Variants in GFRA1 observed in about 807,000 individuals in gnomAD.
GFRA1 encodes the protein GDNF family receptor alpha 1.
Under a neutral mutation model 51.6 loss-of-function variants are expected in GFRA1, and 16 were observed. The observed-to-expected ratio is 0.31, with a 90% CI of 0.21 to 0.47. GFRA1 has a LOEUF of 0.47. GFRA1 is among the 20% of genes least tolerant of loss of function. The probability of loss-of-function intolerance (pLI) is 1.00; values close to 1 mark genes in which losing one functional copy is unlikely to be tolerated. For synonymous variants in GFRA1, 270 were observed against 241.3 expected, an observed-to-expected ratio of 1.12 and a Z score of -1.10; for missense variants, 530 against 594.3, an observed-to-expected ratio of 0.89 and a Z score of 1.13.
At chr10:116,123,178 G>C (rs1455641466) in intron 6 of GFRA1, among the ~76,000 whole-genome samples, 2 of 152,210 alleles carry the variant, frequency 1.3e-5, no homozygotes, top group African/African-American at 4.8e-5. Flanking sequence ...CCAGGTTCCT[G>C]GCTTGCTGAG....
At position 116,096,742 on chromosome 10, in the gene GFRA1, T is replaced by TA. The variant is rs753876091; in HGVS notation, c.792dup (p.Thr265TyrfsTer20). 21 of 1,596,794 alleles carry TA rather than the reference T, an allele frequency of 1.3e-5. No individual in the cohort carries two copies. Among genetic ancestry groups the TA allele is most frequent in the Non-Finnish European group, 1.6e-5 (19 of 1,171,826 alleles). On this transcript the variant is annotated frameshift_variant, in exon 7 of 11. Transcript: ENST00000355422. LOFTEE classifies it high-confidence loss of function. ...GACCTTGACTCTGGCTGGCAGTTGG[T>TA]AAAAAAATCCGCAAGGCGAGATCTA...
chr10:116,262,081 G>A (rs751924531), intron 4 of GFRA1, among the ~76,000 whole-genome samples: 5 of 152,106 alleles, frequency 3.3e-5, no homozygotes, highest in South Asian at 2.1e-4. Context: ...AACAAGCTTC[G>A]ACAGCAGAAA....
intron 4 of GFRA1, among the ~76,000 whole-genome samples, chr10:116,230,342 C>T (rs1039746389): frequency 2.0e-5 from 3 of 152,260 alleles, no homozygotes; most frequent in East Asian, 1.9e-4. Flanking sequence ...AGGAAACTGA[C>T]GCTGACAACT....
At chr10:116,168,566 G>A (rs1297433693) in intron 5 of GFRA1, among the ~76,000 whole-genome samples, 2 of 152,142 alleles carry the variant, frequency 1.3e-5, no homozygotes, top group Non-Finnish European at 2.9e-5. Flanking sequence ...TCAGGCCACA[G>A]GAGGAAGTAT....
intron 5 of GFRA1, among the ~76,000 whole-genome samples, chr10:116,159,129 A>G (rs1236747185): frequency 1.3e-5 from 2 of 152,192 alleles, no homozygotes; most frequent in South Asian, 2.1e-4. Flanking sequence ...AAAATCAATG[A>G]GTAGGGACCA....
intron 4 of GFRA1, among the ~76,000 whole-genome samples, chr10:116,223,009 A>G (rs1966032258): frequency 6.6e-6 from 1 of 152,246 alleles, no homozygotes; most frequent in South Asian, 2.1e-4. Context: ...AAGGATGTGC[A>G]TAAGCAAGTA....
intron 4 of GFRA1, among the ~76,000 whole-genome samples, chr10:116,244,832 A>G (rs533738540): frequency 8.1e-4 from 123 of 152,294 alleles, no homozygotes; most frequent in African/African-American, 2.9e-3. Flanking sequence ...GTAAACAAAA[A>G]TACACGTATT....
In GFRA1 at chr10:116,184,600, T is replaced by C. The variant is rs969413692; in HGVS notation, c.433+27031A>G. 9.1e-4 allele frequency among the ~76,000 whole-genome samples: 138 copies of C among 152,164 alleles called. 1 individual carries two copies. Among genetic ancestry groups the C allele is most frequent in the Admixed American group, 9.0e-3 (138 of 15,280 alleles). On this transcript the variant is annotated intron_variant, in intron 5 of 10. Transcript: ENST00000355422. ...AAAAGCTGCTTTGCTCACCAGGCTC[T>C]GACCTCAAGAGGAGGTGGCACTACA...
At chr10:116,273,802 T>C (rs1844122433), upstream of GFRA1, among the ~76,000 whole-genome samples, 1 of 152,024 alleles carries the variant, frequency 6.6e-6, no homozygotes, top group Admixed American at 6.5e-5. Flanking sequence ...TTCCCCCACG[T>C]CACTAGTGGC....
chr10:116,196,844 TA>T lies in GFRA1; in HGVS notation c.433+14786del, dbSNP rs200103047. Among the ~76,000 whole-genome samples the T allele has an allele frequency of 1.8e-3, 151 of 83,772 alleles. 3 individuals are homozygous for T. The South Asian group carries it at 0.027, about 15-fold the overall frequency. 55.0% of individuals were successfully genotyped at this position (83,772 alleles called of 152,430 possible). ...AAAAATACTTATAAATATATATATA[TA>T]TATTTTTTTTCCCTCCCACAGTTCT... On this transcript the variant is annotated intron_variant, in intron 5 of 10. Transcript: ENST00000355422.
rs115656029 is a variant in GFRA1, at chr10:116,135,952, T to C, written c.434-10395A>G. 8.8e-3 allele frequency among the ~76,000 whole-genome samples: 1,337 copies of C among 152,324 alleles called. 16 individuals carry two copies. Among genetic ancestry groups the C allele is most frequent in the African/African-American group, 0.031 (1,270 of 41,566 alleles). ...CTCAATCCTGTTGCATCTTCAACCA[T>C]GAAATTTGCTATTACATGTAGTACT... On this transcript the variant is annotated intron_variant, in intron 5 of 10. Coordinates refer to ENST00000355422, the MANE Select transcript of GFRA1 (RefSeq NM_005264.8).
At chr10:116,131,855 A>G (rs1958115111) in intron 5 of GFRA1, among the ~76,000 whole-genome samples, 1 of 150,562 alleles carries the variant, frequency 6.6e-6, no homozygotes, top group Non-Finnish European at 1.5e-5. Flanking sequence ...GCCAAAACTC[A>G]GAGATAGTAT....
At chr10:116,113,117 T>C (rs1327579326) in intron 6 of GFRA1, among the ~76,000 whole-genome samples, 7 of 151,518 alleles carry the variant, frequency 4.6e-5, no homozygotes, top group African/African-American at 1.2e-4. Flanking sequence ...TCTCTCTCTC[T>C]CCCAGCCACC....
intron 4 of GFRA1, among the ~76,000 whole-genome samples, chr10:116,247,609 C>G (rs138040192): frequency 3.7e-4 from 57 of 152,320 alleles, no homozygotes; most frequent in African/African-American, 1.3e-3. Flanking sequence ...CTTCCCACCT[C>G]TGAGGCTGGG....
At chr10:116,269,014 G>GAGCTT (rs967060337) in intron 4 of GFRA1, among the ~76,000 whole-genome samples, 15 of 152,184 alleles carry the variant, frequency 9.9e-5, no homozygotes, top group African/African-American at 3.6e-4. Flanking sequence ...ACAAATGGCA[G>GAGCTT]AGCTTAATCT....
chr10:116,181,109 G>A (rs1224772309), intron 5 of GFRA1, among the ~76,000 whole-genome samples: 1 of 152,150 alleles, frequency 6.6e-6, no homozygotes, highest in Admixed American at 6.5e-5. Context: ...CTCCATTTCT[G>A]GGAACCCAGG....
At chr10:116,079,192 G>A (rs1018240169) in intron 9 of GFRA1, among the ~76,000 whole-genome samples, 1 of 152,080 alleles carries the variant, frequency 6.6e-6, no homozygotes, top group African/African-American at 2.4e-5. Flanking sequence ...CTGGAAGAGA[G>A]CGCTCACTGG....
chr10:116,143,848 T>TA (rs1011391522), intron 5 of GFRA1, among the ~76,000 whole-genome samples: 8 of 152,224 alleles, frequency 5.3e-5, no homozygotes, highest in African/African-American at 1.9e-4. Context: ...ATCCTGGTCC[T>TA]AGGCCAATGT....
At chr10:116,240,762 T>G (rs1231563791) in intron 4 of GFRA1, among the ~76,000 whole-genome samples, 1 of 152,174 alleles carries the variant, frequency 6.6e-6, no homozygotes, top group Admixed American at 6.5e-5. Context: ...CACACAGTGC[T>G]TGGCATAGAG....
Sources: gnomAD v4.1 joint callset for allele counts (sites outside exome capture counted in the v4.1 genomes callset) on GRCh38, gnomAD v4.1.1 for gene constraint, MANE v1.5 for transcripts, NCBI Gene and HGNC (gene_info 2026-07-23, HGNC 2026-07-21) for gene names.